The following EME2 variants were observed in gnomAD, a reference collection of about 807,000 sequenced individuals.
The protein encoded by EME2 is essential meiotic structure-specific endonuclease subunit 2.
In EME2, 58 loss-of-function variants were observed where a neutral mutation model predicts 41.9. That is an observed-to-expected ratio of 1.38 (90% CI 1.12 to 1.72). The LOEUF (loss-of-function observed/expected upper bound fraction) is 1.72. Ranked by LOEUF, EME2 falls within the 40% of genes most tolerant of loss-of-function variation. The pLI is 0.00. For synonymous variants in EME2, 334 were observed against 239.3 expected (o/e 1.40, Z -3.65); for missense variants, 695 against 541.9 (o/e 1.28, Z -2.81).
In EME2 at chr16:1,773,416, G is replaced by A. The variant is rs528933482; in HGVS notation, c.189G>A (p.Ala63=). 8 of 1,567,082 alleles carry A rather than the reference G, an allele frequency of 5.1e-6. No homozygotes were observed. The African/African-American group carries it at 5.5e-5, about 11-fold the overall frequency. Residue 63 remains alanine (A), a synonymous_variant, in exon 1 of 8, where the codon GCG becomes GCA. Coordinates refer to ENST00000568449, the MANE Select transcript of EME2 (RefSeq NM_001257370.2). ...GTGAGCGCAGGGCGGCTGCCGAGGC[G>A]TTGCGGCTGCTGCGGCCGGAGCAGG... ...PAGERRAAAE[A]LRLLRPEQVL...
In EME2 at chr16:1,777,200, C is replaced by G. The variant is rs764680925; in HGVS notation, c.*962C>G. On this transcript the variant is annotated 3_prime_UTR_variant, in exon 8 of 8. Transcript: ENST00000568449. ...ATCGGACACTGGAGCCTTGCGGCGG[C>G]TGCAACTCATGCTCAGGACCCAGCC... 6.2e-7 allele frequency: 1 copy of G among 1,610,442 alleles called. No homozygotes were observed. Among genetic ancestry groups the G allele is most frequent in the Non-Finnish European group, 8.5e-7 (1 of 1,179,810 alleles).
chr16:1,774,397 G>A (rs751032012), intron 3 of EME2, 45 bp downstream of exon 3: 12 of 1,545,056 alleles, frequency 7.8e-6, no homozygotes, highest in Non-Finnish European at 1.1e-5. Context: ...AGGAGGGGTG[G>A]GTTCCCAGCC....
In EME2 at chr16:1,775,944, T is replaced by C; in HGVS notation, c.927T>C (p.Asp309=). ...QFSRVSPAVA[D]AVVTAFPSPR... The stretch of plus-strand genomic sequence containing the variant: ...GTCGGGTCAGCCCAGCCGTGGCTGA[T>C]GCAGTTGTCACAGCCTTCCCCTCCC... Residue 309 remains aspartate (D), a synonymous_variant, in exon 7 of 8, where the codon GAT becomes GAC. Transcript: ENST00000568449. 2 of 1,611,656 alleles carry C rather than the reference T, an allele frequency of 1.2e-6. No homozygotes were observed. Among genetic ancestry groups the C allele is most frequent in the Non-Finnish European group, 1.7e-6 (2 of 1,179,704 alleles).
Position 1,773,450 on chromosome 16 carries a change from C to T in EME2, c.223C>T (p.Arg75Cys), listed in dbSNP as rs1350314476. ...RLLRPEQVLK[R>C]LAVCVDTAIL... ...GCTGCGGCCGGAGCAGGTCCTGAAG[C>T]GCCTCGCGGTGTGCGTGGACACAGG... The change falls in exon 1 of 8, where the codon CGC becomes TGC. Residue 75 changes from arginine (R) to cysteine (C), a missense_variant. By Grantham distance (180) the Arg-to-Cys change is radical. Coordinates refer to ENST00000568449, the MANE Select transcript of EME2 (RefSeq NM_001257370.2). The T allele has an allele frequency of 1.9e-6, 3 of 1,574,186 alleles. No homozygotes were observed. Among genetic ancestry groups the T allele is most frequent in the Non-Finnish European group, 2.6e-6 (3 of 1,169,580 alleles).
Position 1,777,723 on chromosome 16 carries a change from G to C in EME2, c.*1485G>C, listed in dbSNP as rs771593541. 2 of 1,609,606 alleles carry C rather than the reference G, an allele frequency of 1.2e-6. No individual in the cohort carries two copies. The highest frequency in any genetic ancestry group is 1.7e-6 in the Non-Finnish European group (2 of 1,178,302). On this transcript the variant is annotated 3_prime_UTR_variant, in exon 8 of 8. Coordinates refer to ENST00000568449, the MANE Select transcript of EME2 (RefSeq NM_001257370.2). ...TCCCTCGGGGTGACAGCTGAGAGGA[G>C]CTCAAGTCCTGTGACGGCCTCACCT...
At position 1,777,123 on chromosome 16, in the gene EME2, G is replaced by C; in HGVS notation, c.*885G>C. The C allele has an allele frequency of 6.2e-7, 1 of 1,611,482 alleles. No individual in the cohort carries two copies. Among genetic ancestry groups the C allele is most frequent in the Non-Finnish European group, 8.5e-7 (1 of 1,179,428 alleles). On this transcript the variant is annotated 3_prime_UTR_variant, in exon 8 of 8. Transcript: ENST00000568449. ...CAGGTCCGGCGGCAGCGCTTCCTCT[G>C]GCAGGGCCGAGGCTCGCGACTGCTG...
Position 1,778,522 on chromosome 16 carries a change from A to T in EME2, c.*2284A>T. On this transcript the variant is annotated 3_prime_UTR_variant, in exon 8 of 8. Coordinates refer to ENST00000568449, the MANE Select transcript of EME2 (RefSeq NM_001257370.2). ...AAGGAGGCCTCGCTCTGCCCAGCACAGTCACAGAAGGACTCGCCGGTCACG... is the reference window on the plus strand; with the variant it reads ...AAGGAGGCCTCGCTCTGCCCAGCACTGTCACAGAAGGACTCGCCGGTCACG... 1 of 1,611,194 alleles carries T rather than the reference A, an allele frequency of 6.2e-7. No homozygotes were observed. Among genetic ancestry groups the T allele is most frequent in the Non-Finnish European group, 8.5e-7 (1 of 1,178,874 alleles).
At position 1,777,989 on chromosome 16, in the gene EME2, GC is replaced by G. The variant is rs1412397620; in HGVS notation, c.*1752del. 2.5e-6 allele frequency: 4 copies of G among 1,613,158 alleles called. No individual in the cohort carries two copies. Among genetic ancestry groups the G allele is most frequent in the African/African-American group, 1.3e-5 (1 of 75,008 alleles). ...AGCTGTCCTCATCCCTGCCCAGCAG[GC>G]TGCAGAACGTGTGGCGGTATTTGTC... On this transcript the variant is annotated 3_prime_UTR_variant, in exon 8 of 8. Transcript: ENST00000568449.
chr16:1,779,603 T>C lies in EME2; in HGVS notation c.*3365T>C, dbSNP rs1896646058. ...ACAACTCTACCCCACTGCCTAGAAG[T>C]GCGGGTCCCCAGAGCCAGGGTAGAC... On this transcript the variant is annotated 3_prime_UTR_variant, in exon 8 of 8. Transcript: ENST00000568449. The C allele has an allele frequency of 6.6e-6, 1 of 152,180 alleles. No individual in the cohort carries two copies. Among genetic ancestry groups the C allele is most frequent in the African/African-American group, 2.4e-5 (1 of 41,392 alleles). 9.4% of individuals were successfully genotyped at this position (152,180 alleles called of 1,614,324 possible). A position where few individuals can be genotyped will look rare whatever the true frequency, so the allele number is the denominator to read the frequency against.
chr16:1,774,825 T>C, intron 3 of EME2: 1 of 617,890 alleles, frequency 1.6e-6, no homozygotes, highest in Non-Finnish European at 2.9e-6. Context: ...AACTGACATG[T>C]GCCCGAGCAG....
rs1211662544 is a variant in EME2 at position 1,778,420 on chromosome 16, G to A, written c.*2182G>A. ...CCGCAGTGCAGTCCCAGCAGGGGCTGGGCCCCACGCTCACACTCGTCTTCC... is the reference window on the plus strand; with the variant it reads ...CCGCAGTGCAGTCCCAGCAGGGGCTAGGCCCCACGCTCACACTCGTCTTCC... On this transcript the variant is annotated 3_prime_UTR_variant, in exon 8 of 8. Transcript: ENST00000568449. 5 of 1,605,902 alleles carry A rather than the reference G, an allele frequency of 3.1e-6. No individual in the cohort carries two copies. Among genetic ancestry groups the A allele is most frequent in the Middle Eastern group, 3.4e-4 (2 of 5,968 alleles).
chr16:1,777,911 A>C lies in EME2; in HGVS notation c.*1673A>C, dbSNP rs763447779. 1.9e-6 allele frequency: 3 copies of C among 1,611,824 alleles called. No homozygotes were observed. The highest frequency in any genetic ancestry group is 2.5e-6 in the Non-Finnish European group (3 of 1,179,588). On this transcript the variant is annotated 3_prime_UTR_variant, in exon 8 of 8. Transcript: ENST00000568449. ...GGGTCGCAGTGAGCCCGGGAGCTCC[A>C]GGCTCGGCCCCGCCCCACCCTGGGC...
At position 1,773,087 on chromosome 16, in the gene EME2, G is replaced by T; in HGVS notation, c.-141G>T. 1.4e-6 allele frequency: 2 copies of T among 1,408,726 alleles called. No homozygotes were observed. The highest frequency in any genetic ancestry group is 1.5e-5 in the African/African-American group (1 of 66,040). The allele number at this position is 1,408,726 out of a possible 1,614,324, so 87.3% of individuals were successfully genotyped here. A position where few individuals can be genotyped will look rare whatever the true frequency, so the allele number is the denominator to read the frequency against. On this transcript the variant is annotated 5_prime_UTR_variant, in exon 1 of 8. Coordinates refer to ENST00000568449, the MANE Select transcript of EME2 (RefSeq NM_001257370.2). ...CGCGCACGCGGCGGGCCAGCTCCGC[G>T]ATCAGCCGCGGACGCACCTTCTTCC...
At position 1,776,875 on chromosome 16, in the gene EME2, T is replaced by C. The variant is rs2042720970; in HGVS notation, c.*637T>C. On this transcript the variant is annotated 3_prime_UTR_variant, in exon 8 of 8. Coordinates refer to ENST00000568449, the MANE Select transcript of EME2 (RefSeq NM_001257370.2). The stretch of plus-strand genomic sequence containing the variant: ...CGTCCTCGCAGCCTCCCACAAGACC[T>C]GGGGCTCAGGGCAGCCGCTTCCCCA... The C allele has an allele frequency of 1.7e-6, 1 of 576,822 alleles. No homozygotes were observed. The highest frequency in any genetic ancestry group is 3.0e-6 in the Non-Finnish European group (1 of 333,170). The allele number at this position is 576,822 out of a possible 1,614,324, so 35.7% of individuals were successfully genotyped here. A position where few individuals can be genotyped will look rare whatever the true frequency, so the allele number is the denominator to read the frequency against.
chr16:1,780,899 A>C lies in EME2; in HGVS notation c.*4661A>C. 3.0e-6 allele frequency: 1 copy of C among 331,294 alleles called. No individual in the cohort carries two copies. Among genetic ancestry groups the C allele is most frequent in the Non-Finnish European group, 5.9e-6 (1 of 168,608 alleles). 20.5% of individuals were successfully genotyped at this position (331,294 alleles called of 1,614,324 possible). On this transcript the variant is annotated 3_prime_UTR_variant, in exon 8 of 8. Coordinates refer to ENST00000568449, the MANE Select transcript of EME2 (RefSeq NM_001257370.2). ...AGGCACGTGCCACCACGCCTGACACATTTTTTAAATTTTTGTAGAGACAGT... is the reference window on the plus strand; with the variant it reads ...AGGCACGTGCCACCACGCCTGACACCTTTTTTAAATTTTTGTAGAGACAGT...
In EME2 at chr16:1,780,597, GTT is replaced by G. The variant is rs1896676366; in HGVS notation, c.*4361_*4362del. 1 of 152,894 alleles carries G rather than the reference GTT, an allele frequency of 6.5e-6. No individual in the cohort carries two copies. Among genetic ancestry groups the G allele is most frequent in the African/African-American group, 2.4e-5 (1 of 41,438 alleles). The allele number at this position is 152,894 out of a possible 1,614,324, so 9.5% of individuals were successfully genotyped here. A position where few individuals can be genotyped will look rare whatever the true frequency, so the allele number is the denominator to read the frequency against. ...TACCTTCAAGGATCAGGGTTTTTCTGTTTGTTTGTTTTTTAACACACATATAT... is the reference window on the plus strand; with the variant it reads ...TACCTTCAAGGATCAGGGTTTTTCTGTGTTTGTTTTTTAACACACATATAT... On this transcript the variant is annotated 3_prime_UTR_variant, in exon 8 of 8. Transcript: ENST00000568449.
Position 1,777,204 on chromosome 16 carries a change from A to G in EME2, c.*966A>G. 6.2e-7 allele frequency: 1 copy of G among 1,610,516 alleles called. No individual in the cohort carries two copies. Among genetic ancestry groups the G allele is most frequent in the Non-Finnish European group, 8.5e-7 (1 of 1,179,840 alleles). ...GACACTGGAGCCTTGCGGCGGCTGC[A>G]ACTCATGCTCAGGACCCAGCCCAGC... On this transcript the variant is annotated 3_prime_UTR_variant, in exon 8 of 8. Coordinates refer to ENST00000568449, the MANE Select transcript of EME2 (RefSeq NM_001257370.2).
intron 2 of EME2, 112 bp from the exon 3 acceptor site, chr16:1,774,148 G>A (rs1596847132): frequency 3.1e-6 from 3 of 965,994 alleles, no homozygotes; most frequent in South Asian, 2.8e-5. Context: ...AGGCCTGTCA[G>A]GGCCTGGGCT....
At position 1,777,739 on chromosome 16, in the gene EME2, G is replaced by A. The variant is rs764105771; in HGVS notation, c.*1501G>A. ...CTGAGAGGAGCTCAAGTCCTGTGAC[G>A]GCCTCACCTATACACTTCCTGTTCT... On this transcript the variant is annotated 3_prime_UTR_variant, in exon 8 of 8. Coordinates refer to ENST00000568449, the MANE Select transcript of EME2 (RefSeq NM_001257370.2). 33 of 1,611,324 alleles carry A rather than the reference G, an allele frequency of 2.0e-5. No individual in the cohort carries two copies. The highest frequency in any genetic ancestry group is 1.9e-4 in the Middle Eastern group (1 of 5,332).
Sources: allele counts gnomAD v4.1 joint callset, GRCh38; gene constraint gnomAD v4.1.1; transcripts MANE v1.5; gene names NCBI Gene and HGNC (gene_info 2026-07-23, HGNC 2026-07-21).